Variants in PAN3 observed in about 807,000 individuals in gnomAD.
PAN3 encodes the protein poly(A) specific ribonuclease subunit PAN3.
Under a neutral mutation model 96.2 loss-of-function variants are expected in PAN3, and 19 were observed. The observed-to-expected ratio is 0.20, with a 90% CI of 0.14 to 0.29. PAN3 has a LOEUF of 0.29. Ranked by LOEUF, PAN3 falls within the 10% of genes least tolerant of loss-of-function variation. The probability of loss-of-function intolerance (pLI) is 1.00; values close to 1 mark genes in which losing one functional copy is unlikely to be tolerated. For missense variants in PAN3, 882 were observed against 1,108.1 expected (o/e 0.80, Z 2.90); for synonymous variants, 433 against 406.6 (o/e 1.06, Z -0.78).
intron 1 of PAN3, among the ~76,000 whole-genome samples, chr13:28,144,414 A>G (rs988137412): frequency 6.6e-6 from 1 of 151,514 alleles, no homozygotes; most frequent in Non-Finnish European, 1.5e-5. Context: ...ACGGGGTTTC[A>G]CCGTGTTAGC....
At chr13:28,191,953 T>G (rs1028810418) in intron 4 of PAN3, among the ~76,000 whole-genome samples, 2 of 152,056 alleles carry the variant, frequency 1.3e-5, no homozygotes, top group African/African-American at 4.8e-5. Context: ...TTGCCCAGGC[T>G]GATCTTGAAG....
intron 4 of PAN3, among the ~76,000 whole-genome samples, chr13:28,194,493 C>T (rs1318617071): frequency 6.0e-5 from 7 of 116,264 alleles, no homozygotes; most frequent in African/African-American, 2.6e-4. Context: ...TTTGTAGAGA[C>T]GGAGTCTTGC....
intron 16 of PAN3, 73 bp downstream of exon 16, chr13:28,280,614 T>C (rs1887395984): frequency 7.6e-7 from 1 of 1,317,216 alleles, no homozygotes; most frequent in African/African-American, 1.6e-5. Context: ...CAGGCTGGAG[T>C]GCAGTGGTGC....
At chr13:28,155,128 T>C in intron 1 of PAN3, among the ~76,000 whole-genome samples, 1 of 152,046 alleles carries the variant, frequency 6.6e-6, no homozygotes, top group Non-Finnish European at 1.5e-5. Flanking sequence ...TTTGCGGTTT[T>C]TAAAACAATG....
At chr13:28,195,874 C>T (rs1877985344) in intron 4 of PAN3, among the ~76,000 whole-genome samples, 1 of 151,972 alleles carries the variant, frequency 6.6e-6, no homozygotes, top group Admixed American at 6.6e-5. Context: ...CAGATGCACA[C>T]TTGTGGAGTG....
chr13:28,260,376 A>G lies in PAN3; in HGVS notation c.1249-71A>G, dbSNP rs1885593661. ...GCCACTGAACTCCAGCCTGGGCAAC[A>G]GAGCAAGACTCCATCTGAAAAAAAG... On this transcript the variant is annotated intron_variant, in intron 7 of 18. Coordinates refer to ENST00000380958, the MANE Select transcript of PAN3 (RefSeq NM_175854.8). The G allele has an allele frequency of 4.2e-6, 5 of 1,204,478 alleles. No homozygotes were observed. In the South Asian group the frequency reaches 5.1e-5, roughly 12 times the overall value. The allele number at this position is 1,204,478 out of a possible 1,614,324, so 74.6% of individuals were successfully genotyped here.
At chr13:28,160,260 A>G (rs1034949271) in intron 1 of PAN3, among the ~76,000 whole-genome samples, 1 of 152,208 alleles carries the variant, frequency 6.6e-6, no homozygotes, top group Non-Finnish European at 1.5e-5. Context: ...TATTTTGAAA[A>G]GATAACTATA....
At chr13:28,289,760 T>A (rs1869497798) in intron 18 of PAN3, among the ~76,000 whole-genome samples, 2 of 152,004 alleles carry the variant, frequency 1.3e-5, no homozygotes, top group African/African-American at 4.8e-5. Flanking sequence ...CAGGCACCAG[T>A]AGTCCCAGCT....
chr13:28,250,199 CT>C (rs1166429752), intron 6 of PAN3, among the ~76,000 whole-genome samples: 1 of 148,186 alleles, frequency 6.7e-6, no homozygotes, highest in Non-Finnish European at 1.5e-5. Context: ...TTGCTCAGAA[CT>C]CTTTTTTTTT....
chr13:28,221,940 T>A (rs552332453), intron 6 of PAN3, among the ~76,000 whole-genome samples: 5 of 152,240 alleles, frequency 3.3e-5, no homozygotes, highest in Non-Finnish European at 7.3e-5. Context: ...TTCTGAGCAG[T>A]GTTGTAATTC....
chr13:28,267,041 A>C, intron 10 of PAN3, 54 bp from the exon 11 acceptor site: 3 of 1,469,442 alleles, frequency 2.0e-6, no homozygotes, highest in East Asian at 4.6e-5. Flanking sequence ...TTTCTGATGG[A>C]ATATGAAGGA....
At chr13:28,139,162 G>T (rs913964895) in intron 1 of PAN3, 75 bp downstream of exon 1, 7 of 1,241,206 alleles carry the variant, frequency 5.6e-6, no homozygotes, top group Admixed American at 4.2e-5. Flanking sequence ...TGCTGCCGAC[G>T]GGAGCTGAGC....
chr13:28,142,530 T>TTTTTTTTTTA (rs1869997874), intron 1 of PAN3, among the ~76,000 whole-genome samples: 1 of 145,544 alleles, frequency 6.9e-6, no homozygotes. Context: ...TTTTTTTTTT[T>TTTTTTTTTTA]GAGACAGGGA....
chr13:28,221,969 C>G (rs916213982), intron 6 of PAN3, among the ~76,000 whole-genome samples: 1 of 152,150 alleles, frequency 6.6e-6, no homozygotes, highest in Non-Finnish European at 1.5e-5. Flanking sequence ...ATGTCTCTTT[C>G]CAAAGCATCC....
chr13:28,216,435 A>G (rs1422952999), intron 5 of PAN3, among the ~76,000 whole-genome samples: 3 of 152,204 alleles, frequency 2.0e-5, no homozygotes, highest in Admixed American at 6.5e-5. Flanking sequence ...CAGGTTGTAT[A>G]TCTGTGTCAA....
chr13:28,270,369 C>T (rs919121034), intron 12 of PAN3, among the ~76,000 whole-genome samples: 1 of 152,146 alleles, frequency 6.6e-6, no homozygotes, highest in Non-Finnish European at 1.5e-5. Context: ...AGTAGAAAAA[C>T]CTCTACGGTT....
chr13:28,193,205 A>G (rs114415190), intron 4 of PAN3, among the ~76,000 whole-genome samples: 1,559 of 152,294 alleles, frequency 0.01, 25 homozygotes, highest in African/African-American at 0.035. Context: ...TCATTTAGTT[A>G]CACAGAGAAG....
At chr13:28,226,564 A>G (rs1459388802) in intron 6 of PAN3, among the ~76,000 whole-genome samples, 3 of 152,226 alleles carry the variant, frequency 2.0e-5, no homozygotes, top group Non-Finnish European at 2.9e-5. Flanking sequence ...TGTTTAATAA[A>G]TGCTTACTCA....
chr13:28,272,375 T>C (rs1037622794), intron 14 of PAN3: 1 of 195,678 alleles, frequency 5.1e-6, no homozygotes, highest in Non-Finnish European at 1.0e-5. Flanking sequence ...CAAGCAATCG[T>C]CTCGCCTCAG....
Sources: allele counts gnomAD v4.1 joint callset (sites outside exome capture counted in the v4.1 genomes callset), GRCh38; gene constraint gnomAD v4.1.1; transcripts MANE v1.5; gene names NCBI Gene and HGNC (gene_info 2026-07-23, HGNC 2026-07-21).